ERG: variants seen among roughly 807,000 people sequenced by gnomAD.
ERG encodes transcriptional regulator ERG.
A neutral mutation model predicts 55.3 loss-of-function variants in ERG; 9 were observed. The observed-to-expected ratio is 0.16, with a 90% CI of 0.10 to 0.28. The LOEUF is 0.28. ERG is among the 10% of genes least tolerant of loss of function. The pLI is 1.00. For missense variants in ERG, 434 were observed against 631.6 expected, an observed-to-expected ratio of 0.69 and a Z score of 3.35; for synonymous variants, 223 against 237.3, an observed-to-expected ratio of 0.94 and a Z score of 0.55.
At chr21:38,605,921 G>GATAGGTAC (rs2060194054) in intron 1 of ERG, among the ~76,000 whole-genome samples, 1 of 152,158 alleles carries the variant, frequency 6.6e-6, no homozygotes, top group Non-Finnish European at 1.5e-5. Flanking sequence ...ATAGATAGGA[G>GATAGGTAC]ATAGGTACGT....
chr21:38,607,871 G>A (rs1432661972), intron 1 of ERG, among the ~76,000 whole-genome samples: 1 of 151,296 alleles, frequency 6.6e-6, no homozygotes, highest in Non-Finnish European at 1.5e-5. Context: ...GAGGGCCTTG[G>A]ATCGTTTGGA....
rs1057254985 is a variant in ERG at position 38,443,554 on chromosome 21, T to C, written c.236+1850A>G. 5.3e-5 allele frequency among the ~76,000 whole-genome samples: 8 copies of C among 152,356 alleles called. No homozygotes were observed. In the South Asian group the frequency reaches 1.7e-3, roughly 32 times the overall value. On this transcript the variant is annotated intron_variant, in intron 2 of 9. Coordinates refer to ENST00000288319, the MANE Select transcript of ERG (RefSeq NM_182918.4). ...AACTGATCTACTGCATAAACACTGC[T>C]GCATTCTTTAGAACATGATTACCCT... is the stretch of plus-strand genomic sequence containing the variant.
At position 38,403,680 on chromosome 21, in the gene ERG, G is replaced by A. The variant is rs1195312059; in HGVS notation, c.418C>T (p.Arg140Trp). 1.9e-6 allele frequency: 3 copies of A among 1,614,066 alleles called. No homozygotes were observed. Among genetic ancestry groups the A allele is most frequent in the South Asian group, 1.1e-5 (1 of 91,086 alleles). The change falls in exon 4 of 10, where the codon CGG becomes TGG. Residue 140 changes from arginine (R) to tryptophan (W), a missense_variant. This residue lies in a region of ERG where 212 missense variants were observed against 262.9 expected (regional missense o/e 0.81). Coordinates refer to ENST00000288319, the MANE Select transcript of ERG (RefSeq NM_182918.4). ...DPTLWSTDHVRQWLEWAVKEY... is the reference protein window; with the variant it reads ...DPTLWSTDHVWQWLEWAVKEY... The stretch of plus-strand genomic sequence containing the variant: ...TTCACCGCCCACTCCAGCCACTGCC[G>A]CACATGGTCTGTACTCCATAGCGTA...
intron 1 of ERG, among the ~76,000 whole-genome samples, chr21:38,577,838 C>G (rs1285977531): frequency 6.6e-6 from 1 of 152,186 alleles, no homozygotes; most frequent in African/African-American, 2.4e-5. Context: ...CGCACAGTTC[C>G]TCCCTGCCTG....
intron 6 of ERG, among the ~76,000 whole-genome samples, chr21:38,399,080 G>A (rs1459220256): frequency 6.6e-6 from 1 of 152,190 alleles, no homozygotes; most frequent in Non-Finnish European, 1.5e-5. Context: ...AATACACGTG[G>A]TGGATGTCTT....
intron 2 of ERG, among the ~76,000 whole-genome samples, chr21:38,511,576 A>G (rs1373735382): frequency 2.0e-5 from 3 of 152,230 alleles, no homozygotes; most frequent in Non-Finnish European, 4.4e-5. Flanking sequence ...TATCACTAGG[A>G]AAGAAAAAAC....
chr21:38,469,712 T>C (rs574624644), intron 1 of ERG, among the ~76,000 whole-genome samples: 24 of 152,344 alleles, frequency 1.6e-4, no homozygotes, highest in African/African-American at 5.3e-4. Flanking sequence ...AAACAAGTCT[T>C]GCTGTTACTT....
chr21:38,634,985 C>T (rs1601336643), intron 1 of ERG, among the ~76,000 whole-genome samples: 1 of 152,168 alleles, frequency 6.6e-6, no homozygotes, highest in South Asian at 2.1e-4. Context: ...GGAAATGAGC[C>T]GCCAAACCAC....
In ERG at chr21:38,381,975, C is replaced by T. The variant is rs527752427; in HGVS notation, c.*1428G>A. The T allele has an allele frequency of 8.5e-5, 90 of 1,061,938 alleles. No homozygotes were observed. The African/African-American group carries it at 1.3e-3, about 15-fold the overall frequency. The allele number at this position is 1,061,938 out of a possible 1,614,324, so 65.8% of individuals were successfully genotyped here. On this transcript the variant is annotated 3_prime_UTR_variant, in exon 10 of 10. Coordinates refer to ENST00000288319, the MANE Select transcript of ERG (RefSeq NM_182918.4). ...ATCCACAACATTCAGCACATGTTTT[C>T]ATTAAGCAACTTTAGTCACTAAAAA... is the stretch of plus-strand genomic sequence containing the variant.
chr21:38,442,123 A>G (rs745640137), intron 2 of ERG, among the ~76,000 whole-genome samples: 19 of 152,218 alleles, frequency 1.2e-4, no homozygotes, highest in Non-Finnish European at 1.9e-4. Flanking sequence ...GAAAATGTCA[A>G]GGCCGGGCGC....
intron 2 of ERG, among the ~76,000 whole-genome samples, chr21:38,515,006 T>A (rs914311404): frequency 2.0e-5 from 3 of 151,942 alleles, no homozygotes; most frequent in Non-Finnish European, 4.4e-5. Context: ...AAAAATACCT[T>A]ACAATATGGA....
At chr21:38,389,371 T>C (rs1987861408) in intron 9 of ERG, among the ~76,000 whole-genome samples, 1 of 151,978 alleles carries the variant, frequency 6.6e-6, no homozygotes, top group Non-Finnish European at 1.5e-5. Context: ...AGACATTCTA[T>C]GGGGGGCATT....
Position 38,630,779 on chromosome 21 carries a change from G to A in ERG, c.-150+30879C>T, listed in dbSNP as rs1386474300. ...GTTTTCCTAGGATCACAGTCAAAAA[G>A]AAGAAGCTTTAAGAAATGGTTCTGA... On this transcript the variant is annotated intron_variant, in intron 1 of 10. Coordinates refer to the ERG transcript ENST00000398910. 2.0e-5 allele frequency among the ~76,000 whole-genome samples: 3 copies of A among 152,168 alleles called. No homozygotes were observed. In the East Asian group the frequency reaches 5.8e-4, roughly 29 times the overall value.
In ERG at chr21:38,463,349, C is replaced by G. The variant is rs79399477; in HGVS notation, c.19-17728G>C. Among the ~76,000 whole-genome samples, 76 of 152,226 alleles carry G rather than the reference C, an allele frequency of 5.0e-4. 1 individual carries two copies. In the East Asian group the frequency reaches 0.014, roughly 28 times the overall value. ...GAAGGCTCATTCTGCATGTGGTTGACTCTAGGAACTACTTTAACAGAGGGG... is the reference window on the plus strand; with the variant it reads ...GAAGGCTCATTCTGCATGTGGTTGAGTCTAGGAACTACTTTAACAGAGGGG... On this transcript the variant is annotated intron_variant, in intron 1 of 9. Coordinates refer to ENST00000288319, the MANE Select transcript of ERG (RefSeq NM_182918.4).
intron 1 of ERG, among the ~76,000 whole-genome samples, chr21:38,655,292 G>A (rs2060512065): frequency 6.6e-6 from 1 of 151,914 alleles, no homozygotes; most frequent in Non-Finnish European, 1.5e-5. Context: ...TGAGACCCCC[G>A]TTCACTCTCA....
At position 38,513,120 on chromosome 21, in the gene ERG, A is replaced by G. The variant is rs538336018; in HGVS notation, c.-41+62542T>C. On this transcript the variant is annotated intron_variant, in intron 2 of 8. Coordinates refer to the ERG transcript ENST00000398897. ...CACTCGAGCCTGACAACAGAGTAAG[A>G]CTCCGTCTCAAAAAAAAAAATAATA... Among the ~76,000 whole-genome samples the G allele has an allele frequency of 2.7e-5, 3 of 112,036 alleles. No individual in the cohort carries two copies. In the East Asian group the frequency reaches 7.8e-4, roughly 29 times the overall value. The allele number at this position is 112,036 out of a possible 152,430, so 73.5% of individuals were successfully genotyped here.
chr21:38,458,670 C>A (rs1569115308), intron 1 of ERG, among the ~76,000 whole-genome samples: 1 of 152,156 alleles, frequency 6.6e-6, no homozygotes, highest in Non-Finnish European at 1.5e-5. Flanking sequence ...TGTCTCTAAC[C>A]TTCATACTTT....
At chr21:38,573,686 A>G (rs991831518) in intron 2 of ERG, among the ~76,000 whole-genome samples, 7 of 152,210 alleles carry the variant, frequency 4.6e-5, no homozygotes, top group Admixed American at 6.5e-5. Context: ...TGCTAAAATA[A>G]TGAAAATAAT....
intron 2 of ERG, among the ~76,000 whole-genome samples, chr21:38,573,923 T>C (rs1370290745): frequency 6.6e-6 from 1 of 152,250 alleles, no homozygotes; most frequent in Non-Finnish European, 1.5e-5. Context: ...AGTTCATTCC[T>C]GAAATCAAAT....
Sources: gnomAD v4.1 joint callset for allele counts (sites outside exome capture counted in the v4.1 genomes callset) on GRCh38, gnomAD v4.1.1 for gene constraint, gnomAD v4.1.1 regional missense constraint, MANE v1.5 for transcripts, NCBI Gene and HGNC (gene_info 2026-07-23, HGNC 2026-07-21) for gene names.